The following NTN4 variants were observed in gnomAD, a reference collection of about 807,000 sequenced individuals.
NTN4 encodes netrin-4.
In NTN4, 32 loss-of-function variants were observed where a neutral mutation model predicts 73.6. The ratio of observed to expected loss-of-function variants is 0.44; its 90% CI spans 0.33 to 0.58. NTN4 has a LOEUF of 0.58. NTN4 is among the 20% of genes least tolerant of loss of function. NTN4 has a pLI of 0.04. For missense variants in NTN4, 654 were observed against 798.3 expected, an observed-to-expected ratio of 0.82 and a Z score of 2.18; for synonymous variants, 258 against 287.5, an observed-to-expected ratio of 0.90 and a Z score of 1.04.
chr12:95,685,714 G>C (rs564868030), intron 5 of NTN4, among the ~76,000 whole-genome samples: 1 of 152,206 alleles, frequency 6.6e-6, no homozygotes, highest in South Asian at 2.1e-4. Flanking sequence ...GTGTGACTTT[G>C]AGCAAGATAC....
rs532932816 is a variant in NTN4 at position 95,684,767 on chromosome 12, T to C, written c.1181-1056A>G. ...ATATCTATGTGTTTGTATACATACATATATACACTTTTCATATATATGTAT... is the reference window on the plus strand; with the variant it reads ...ATATCTATGTGTTTGTATACATACACATATACACTTTTCATATATATGTAT... On this transcript the variant is annotated intron_variant, in intron 5 of 9. Coordinates refer to ENST00000343702, the MANE Select transcript of NTN4 (RefSeq NM_021229.4). 1.4e-4 allele frequency among the ~76,000 whole-genome samples: 22 copies of C among 152,350 alleles called. No homozygotes were observed. The South Asian group carries it at 4.6e-3, about 32-fold the overall frequency.
intron 3 of NTN4, among the ~76,000 whole-genome samples, chr12:95,719,180 G>T (rs1321739999): frequency 1.3e-5 from 2 of 152,052 alleles, no homozygotes; most frequent in African/African-American, 2.4e-5. Flanking sequence ...AGAAATCTTT[G>T]AATTTCATCA....
At chr12:95,783,300 C>T (rs2079145756) in intron 2 of NTN4, among the ~76,000 whole-genome samples, 1 of 152,184 alleles carries the variant, frequency 6.6e-6, no homozygotes. Flanking sequence ...ATGTCACATC[C>T]TAAATCTCCC....
At chr12:95,696,592 A>G (rs2078444077) in intron 5 of NTN4, among the ~76,000 whole-genome samples, 1 of 152,170 alleles carries the variant, frequency 6.6e-6, no homozygotes, top group Non-Finnish European at 1.5e-5. Flanking sequence ...TTACATTAAT[A>G]AATGAACGTG....
intron 6 of NTN4, 60 bp downstream of exon 6, chr12:95,683,438 A>G (rs2078334534): frequency 2.7e-6 from 4 of 1,481,968 alleles, no homozygotes; most frequent in South Asian, 1.1e-5. Context: ...CCAAATCACT[A>G]TAGGTTTTCA....
At chr12:95,770,988 A>T (rs2079053298) in intron 2 of NTN4, among the ~76,000 whole-genome samples, 1 of 58,068 alleles carries the variant, frequency 1.7e-5, no homozygotes, top group African/African-American at 4.4e-5. Flanking sequence ...CAGGAAAAGA[A>T]TTTGTTTTTT....
intron 3 of NTN4, among the ~76,000 whole-genome samples, chr12:95,731,429 G>A (rs1397189533): frequency 1.3e-5 from 2 of 152,124 alleles, no homozygotes; most frequent in Non-Finnish European, 2.9e-5. Context: ...AGCCGGGTGT[G>A]GTAGTGGGCA....
intron 3 of NTN4, among the ~76,000 whole-genome samples, chr12:95,717,128 CA>C (rs2078611956): frequency 6.6e-6 from 1 of 152,088 alleles, no homozygotes; most frequent in African/African-American, 2.4e-5. Context: ...CACTTTTTAG[CA>C]ACCGTTTATT....
intron 7 of NTN4, among the ~76,000 whole-genome samples, chr12:95,679,310 C>T (rs1049805667): frequency 1.3e-5 from 2 of 152,148 alleles, no homozygotes; most frequent in East Asian, 1.9e-4. Context: ...GTGGTATTGG[C>T]TCATGAAACA....
At chr12:95,711,705 C>G (rs888204506) in intron 4 of NTN4, among the ~76,000 whole-genome samples, 1 of 152,130 alleles carries the variant, frequency 6.6e-6, no homozygotes, top group South Asian at 2.1e-4. Flanking sequence ...AAAGGCATTT[C>G]TAAGATTATA....
intron 2 of NTN4, among the ~76,000 whole-genome samples, chr12:95,740,290 C>T (rs914989613): frequency 6.6e-6 from 1 of 152,164 alleles, no homozygotes; most frequent in Non-Finnish European, 1.5e-5. Context: ...TTTCTTCAAA[C>T]TTCCCCAGAA....
intron 5 of NTN4, among the ~76,000 whole-genome samples, chr12:95,694,170 CTTTTGTTA>C (rs1402724263): frequency 6.6e-6 from 1 of 152,194 alleles, no homozygotes; most frequent in African/African-American, 2.4e-5. Flanking sequence ...ATGGCTCTAA[CTTTTGTTA>C]TTTTGTTATA....
At chr12:95,786,691 C>T (rs2079169598) in intron 2 of NTN4, among the ~76,000 whole-genome samples, 1 of 152,154 alleles carries the variant, frequency 6.6e-6, no homozygotes, top group South Asian at 2.1e-4. Context: ...TTTGTGTCTG[C>T]TCTTTTTTAT....
chr12:95,758,810 T>G (rs1162895552), intron 2 of NTN4, among the ~76,000 whole-genome samples: 1 of 152,070 alleles, frequency 6.6e-6, no homozygotes, highest in African/African-American at 2.4e-5. Context: ...AGTGATCTGG[T>G]CTCCCAAAGT....
intron 2 of NTN4, among the ~76,000 whole-genome samples, chr12:95,776,514 G>A (rs976841613): frequency 6.6e-6 from 1 of 152,202 alleles, no homozygotes; most frequent in Non-Finnish European, 1.5e-5. Context: ...CGTGACACAT[G>A]CATAAGCTTC....
chr12:95,706,377 G>A (rs778751003), intron 5 of NTN4, among the ~76,000 whole-genome samples: 3 of 151,978 alleles, frequency 2.0e-5, no homozygotes. Context: ...CTTTTTAATT[G>A]GTCAGACTTA....
intron 3 of NTN4, among the ~76,000 whole-genome samples, chr12:95,726,436 G>A (rs547858519): frequency 4.3e-4 from 65 of 152,090 alleles, no homozygotes; most frequent in African/African-American, 1.3e-3. Flanking sequence ...AAATTATAAC[G>A]TGTATCAGTA....
chr12:95,667,669 A>C (rs2120930093), intron 8 of NTN4, among the ~76,000 whole-genome samples: 1 of 152,082 alleles, frequency 6.6e-6, no homozygotes, highest in South Asian at 2.1e-4. Context: ...AGCCTGGCCA[A>C]CATACAGTGA....
chr12:95,723,123 T>C (rs1216057298), intron 3 of NTN4, among the ~76,000 whole-genome samples: 2 of 152,144 alleles, frequency 1.3e-5, no homozygotes, highest in Non-Finnish European at 2.9e-5. Context: ...AATGATTTCC[T>C]AGAACAAAAC....
Sources: gnomAD v4.1 joint callset for allele counts (sites outside exome capture counted in the v4.1 genomes callset) on GRCh38, gnomAD v4.1.1 for gene constraint, MANE v1.5 for transcripts, NCBI Gene and HGNC (gene_info 2026-07-23, HGNC 2026-07-21) for gene names.